NKX2-3: variants seen among roughly 807,000 people sequenced by gnomAD.
NKX2-3 encodes the protein NK2 homeobox 3.
A neutral mutation model predicts 14.2 loss-of-function variants in NKX2-3; 3 were observed. The ratio of observed to expected loss-of-function variants is 0.21; its 90% CI spans 0.10 to 0.55. NKX2-3 has a LOEUF of 0.55. Among genes scored for constraint, NKX2-3 ranks in the 20% least tolerant of loss-of-function variants. The pLI is 0.94. For synonymous variants in NKX2-3, 276 were observed against 234.2 expected, an observed-to-expected ratio of 1.18 and a Z score of -1.63; for missense variants, 511 against 514.5, an observed-to-expected ratio of 0.99 and a Z score of 0.06.
chr10:99,532,978 C>A lies in NKX2-3; in HGVS notation c.-154C>A. On this transcript the variant is annotated 5_prime_UTR_variant, in exon 1 of 2. Coordinates refer to ENST00000344586, the MANE Select transcript of NKX2-3 (RefSeq NM_145285.3). ...CAAAACCCAGACCCCCAGGTCCCGG[C>A]CAATGGAGGCGATTTAGACTGGAGT... 1 of 618,126 alleles carries A rather than the reference C, an allele frequency of 1.6e-6. No homozygotes were observed. Among genetic ancestry groups the A allele is most frequent in the Non-Finnish European group, 2.9e-6 (1 of 345,278 alleles). 38.3% of individuals were successfully genotyped at this position (618,126 alleles called of 1,614,324 possible).
chr10:99,534,780 G>C (rs953661226), intron 1 of NKX2-3, among the ~76,000 whole-genome samples: 6 of 152,168 alleles, frequency 3.9e-5, no homozygotes, highest in Non-Finnish European at 8.8e-5. Flanking sequence ...TCCACGAAAC[G>C]CGCCTCCGCC....
In NKX2-3 at chr10:99,535,665, A is replaced by C. The variant is rs746598095; in HGVS notation, c.1039A>C (p.Thr347Pro). The change falls in exon 2 of 2, where the codon ACT becomes CCT. Residue 347 changes from threonine to proline, a missense_variant. Around this residue, in one of 3 missense-constraint regions of NKX2-3, gnomAD observed 264 missense variants for 254.7 expected, o/e 1.04. Transcript: ENST00000344586. ...GGSAQPLHQG[T>P]AAGAACAQGT... ...CAGCGCACAGCCGTTGCACCAGGGTACTGCAGCCGGGGCCGCGTGCGCTCA... is the reference window on the plus strand; with the variant it reads ...CAGCGCACAGCCGTTGCACCAGGGTCCTGCAGCCGGGGCCGCGTGCGCTCA... 4 of 1,537,372 alleles carry C rather than the reference A, an allele frequency of 2.6e-6. No homozygotes were observed. The South Asian group carries it at 4.8e-5, about 18-fold the overall frequency.
chr10:99,533,366 G>T lies in NKX2-3; in HGVS notation c.235G>T (p.Ala79Ser), dbSNP rs750935219. The T allele has an allele frequency of 6.2e-6, 10 of 1,610,976 alleles. No individual in the cohort carries two copies. Among genetic ancestry groups the T allele is most frequent in the Non-Finnish European group, 8.5e-6 (10 of 1,179,034 alleles). The change falls in exon 1 of 2, where the codon GCA (alanine) becomes TCA (serine). Residue 79 changes from alanine (A) to serine (S), a missense_variant. This residue lies in a region of NKX2-3 where 243 missense variants were observed against 242.3 expected (regional missense o/e 1.00). Transcript: ENST00000344586. ...GTCCTATTTGAACTCACTAGCCGCA[G>T]CAGACGGCCACGGGGATTCAGGGCT... The part of the protein sequence containing the change: ...KLSYLNSLAA[A>S]DGHGDSGLCP...
intron 1 of NKX2-3, among the ~76,000 whole-genome samples, chr10:99,534,509 G>A (rs1289638191): frequency 6.6e-6 from 1 of 152,044 alleles, no homozygotes; most frequent in East Asian, 1.9e-4. Context: ...AAGTCCCTGA[G>A]CCATGCACAA....
rs776189540 is a variant in NKX2-3, at chr10:99,533,129, CTGA to C, written c.4_6del (p.Met2?). On this transcript the variant is annotated start_lost and 5_prime_UTR_variant, in exon 1 of 2. Transcript: ENST00000344586. ...ATTTGGACTGGACAATTAAGTGGCC[CTGA>C]TGATGTTACCAAGCCCGGTCACCTC... is the stretch of plus-strand genomic sequence containing the variant. 2 of 1,542,278 alleles carry C rather than the reference CTGA, an allele frequency of 1.3e-6. No individual in the cohort carries two copies. Among genetic ancestry groups the C allele is most frequent in the Admixed American group, 3.8e-5 (2 of 52,376 alleles).
In NKX2-3 at chr10:99,535,857, C is replaced by G. The variant is rs1044845227; in HGVS notation, c.*136C>G. 1.8e-5 allele frequency: 19 copies of G among 1,034,802 alleles called. No individual in the cohort carries two copies. The African/African-American group carries it at 1.9e-4, about 10-fold the overall frequency. 64.1% of individuals were successfully genotyped at this position (1,034,802 alleles called of 1,614,324 possible). The stretch of plus-strand genomic sequence containing the variant: ...CGTCTAGCTCCTCAGGGCTTCGGAT[C>G]GCAGCTCACTCGAGGCCTGGGGAAG... On this transcript the variant is annotated 3_prime_UTR_variant, in exon 2 of 2. Transcript: ENST00000344586.
chr10:99,535,523 C>T lies in NKX2-3; in HGVS notation c.897C>T (p.Gly299=), dbSNP rs1196750370. 3 of 1,189,530 alleles carry T rather than the reference C, an allele frequency of 2.5e-6. No individual in the cohort carries two copies. Among genetic ancestry groups the T allele is most frequent in the Admixed American group, 4.9e-5 (1 of 20,404 alleles). The allele number at this position is 1,189,530 out of a possible 1,614,324, so 73.7% of individuals were successfully genotyped here. The change falls in exon 2 of 2, where the codon GGC becomes GGT. Residue 299 remains glycine, a synonymous_variant. Transcript: ENST00000344586. ...SSYGCAYPAG[G]GGGGGGTSAA... is the part of the protein sequence containing the mutation. Reference sequence around the variant, plus strand: ...ATGGCTGTGCGTACCCGGCGGGCGGCGGCGGCGGCGGCGGCGGGACCTCCG... The same window carrying T: ...ATGGCTGTGCGTACCCGGCGGGCGGTGGCGGCGGCGGCGGCGGGACCTCCG...
chr10:99,535,675 G>A lies in NKX2-3; in HGVS notation c.1049G>A (p.Gly350Glu). 6.5e-7 allele frequency: 1 copy of A among 1,537,134 alleles called. No individual in the cohort carries two copies. The highest frequency in any genetic ancestry group is 8.7e-7 in the Non-Finnish European group (1 of 1,145,774). ...CCGTTGCACCAGGGTACTGCAGCCG[G>A]GGCCGCGTGCGCTCAGGGCACCTTG... is the stretch of plus-strand genomic sequence containing the variant. ...AQPLHQGTAA[G>E]AACAQGTLQG... The change falls in exon 2 of 2, where the codon GGG becomes GAG. Residue 350 changes from glycine (G) to glutamate (E), a missense_variant. This residue lies in a region of NKX2-3 where 264 missense variants were observed against 254.7 expected (regional missense o/e 1.04). Transcript: ENST00000344586.
At position 99,534,991 on chromosome 10, in the gene NKX2-3, G is replaced by A; in HGVS notation, c.365G>A (p.Cys122Tyr). 1 of 1,596,118 alleles carries A rather than the reference G, an allele frequency of 6.3e-7. No individual in the cohort carries two copies. The highest frequency in any genetic ancestry group is 8.5e-7 in the Non-Finnish European group (1 of 1,171,262). ...TTGTTTGCTTCTTCCGCAGAAAGCT[G>A]CCAGCTGAAGAAGTCTCTAGAGACG... Reference protein sequence around the residue: ...EVVRDRSQKSCQLKKSLETAG... With the variant: ...EVVRDRSQKSYQLKKSLETAG... Residue 122 changes from cysteine (C) to tyrosine (Y), a missense_variant, in exon 2 of 2, where the codon TGC becomes TAC. Physicochemically the swap from Cys to Tyr is radical, Grantham distance 194. Around this residue, in one of 3 missense-constraint regions of NKX2-3, gnomAD observed 243 missense variants for 242.3 expected, o/e 1.00. Transcript: ENST00000344586.
intron 1 of NKX2-3, 37 bp from the exon 2 acceptor site, chr10:99,534,948 G>A: frequency 6.4e-7 from 1 of 1,556,442 alleles, no homozygotes; most frequent in Non-Finnish European, 8.7e-7. Context: ...GTGCGGCCGG[G>A]AACAGCTAAG....
chr10:99,535,567 A>G lies in NKX2-3; in HGVS notation c.941A>G (p.Gln314Arg), dbSNP rs1336790092. 1 of 1,489,802 alleles carries G rather than the reference A, an allele frequency of 6.7e-7. No homozygotes were observed. The highest frequency in any genetic ancestry group is 2.9e-5 in the East Asian group (1 of 34,598). The allele number at this position is 1,489,802 out of a possible 1,614,324, so 92.3% of individuals were successfully genotyped here. Residue 314 changes from glutamine (Q) to arginine (R), a missense_variant, in exon 2 of 2, where the codon CAG (glutamine) becomes CGG (arginine). Gln to Arg is a conservative substitution (Grantham distance 43). Around this residue, in one of 3 missense-constraint regions of NKX2-3, gnomAD observed 264 missense variants for 254.7 expected, o/e 1.04. Transcript: ENST00000344586. ...ACCTCCGCGGCGACCACTGCCATGC[A>G]GCCCGCCTGCAGCGCGGCCGGAGGC... ...GGTSAATTAM[Q>R]PACSAAGGGP...
Position 99,535,938 on chromosome 10 carries a change from C to A in NKX2-3, c.*217C>A. On this transcript the variant is annotated 3_prime_UTR_variant, in exon 2 of 2. Coordinates refer to ENST00000344586, the MANE Select transcript of NKX2-3 (RefSeq NM_145285.3). ...CCGGTCGCCAGGACTGTCTCTGAGG[C>A]AGAAACGCCGGCTGGGCGCCGGGGA... The A allele has an allele frequency of 1.8e-6, 1 of 563,522 alleles. No individual in the cohort carries two copies. The highest frequency in any genetic ancestry group is 3.0e-6 in the Non-Finnish European group (1 of 334,648). 34.9% of individuals were successfully genotyped at this position (563,522 alleles called of 1,614,324 possible).
chr10:99,535,798 TA>T lies in NKX2-3; in HGVS notation c.*80del. On this transcript the variant is annotated 3_prime_UTR_variant, in exon 2 of 2. Transcript: ENST00000344586. The stretch of plus-strand genomic sequence containing the variant: ...ACTGAAGCTCGAGAAGGGCCTGACC[TA>T]AAGGTCAGGTCCCCTCGTTAAAAAA... 2.1e-6 allele frequency: 3 copies of T among 1,448,708 alleles called. No homozygotes were observed. The highest frequency in any genetic ancestry group is 2.7e-6 in the Non-Finnish European group (3 of 1,098,314). 89.7% of individuals were successfully genotyped at this position (1,448,708 alleles called of 1,614,324 possible). A position where few individuals can be genotyped will look rare whatever the true frequency, so the allele number is the denominator to read the frequency against.
In NKX2-3 at chr10:99,535,909, G is replaced by A; in HGVS notation, c.*188G>A. 2 of 672,304 alleles carry A rather than the reference G, an allele frequency of 3.0e-6. No individual in the cohort carries two copies. Among genetic ancestry groups the A allele is most frequent in the Non-Finnish European group, 4.7e-6 (2 of 423,736 alleles). The allele number at this position is 672,304 out of a possible 1,614,324, so 41.6% of individuals were successfully genotyped here. On this transcript the variant is annotated 3_prime_UTR_variant, in exon 2 of 2. Transcript: ENST00000344586. ...GGACTCAGGGGCGAGGAGGATGACTGGGTCCGGTCGCCAGGACTGTCTCTG... is the reference window on the plus strand; with the variant it reads ...GGACTCAGGGGCGAGGAGGATGACTAGGTCCGGTCGCCAGGACTGTCTCTG...
In NKX2-3 at chr10:99,535,159, G is replaced by T; in HGVS notation, c.533G>T (p.Arg178Leu). 6.2e-7 allele frequency: 1 copy of T among 1,613,338 alleles called. No individual in the cohort carries two copies. The highest frequency in any genetic ancestry group is 8.5e-7 in the Non-Finnish European group (1 of 1,179,830). ...KQQRYLSAPE[R>L]EHLASSLKLT... Reference sequence around the variant, plus strand: ...CAGCGGTACCTGTCGGCACCCGAGCGCGAGCACCTCGCCAGCAGCCTGAAG... The same window carrying T: ...CAGCGGTACCTGTCGGCACCCGAGCTCGAGCACCTCGCCAGCAGCCTGAAG... The change falls in exon 2 of 2, where the codon CGC (arginine) becomes CTC (leucine). Residue 178 changes from arginine to leucine, a missense_variant. Arg to Leu is a moderately radical substitution (Grantham distance 102). This residue lies in a region of NKX2-3 where 243 missense variants were observed against 242.3 expected (regional missense o/e 1.00). Transcript: ENST00000344586.
At position 99,535,517 on chromosome 10, in the gene NKX2-3, GGGCGGCGGC is replaced by G. The variant is rs751487317; in HGVS notation, c.906_914del (p.Gly303_Gly305del). The G allele has an allele frequency of 6.7e-4, 846 of 1,269,042 alleles. 8 individuals carry two copies. The African/African-American group carries it at 0.011, about 16-fold the overall frequency. The allele number at this position is 1,269,042 out of a possible 1,614,324, so 78.6% of individuals were successfully genotyped here. ...GCAGCTATGGCTGTGCGTACCCGGC[GGGCGGCGGC>G]GGCGGCGGCGGCGGGACCTCCGCGG... On this transcript the variant is annotated inframe_deletion, in exon 2 of 2. Transcript: ENST00000344586.
intron 1 of NKX2-3, among the ~76,000 whole-genome samples, chr10:99,534,018 C>G (rs960006064): frequency 1.3e-5 from 2 of 152,218 alleles, no homozygotes; most frequent in African/African-American, 4.8e-5. Context: ...CCTCCCTTCT[C>G]TGCTTGGAGC....
At position 99,535,451 on chromosome 10, in the gene NKX2-3, C is replaced by G. The variant is rs1589973535; in HGVS notation, c.825C>G (p.Ala275=). 1 of 1,243,502 alleles carries G rather than the reference C, an allele frequency of 8.0e-7. No individual in the cohort carries two copies. Among genetic ancestry groups the G allele is most frequent in the South Asian group, 2.0e-5 (1 of 50,766 alleles). 77.0% of individuals were successfully genotyped at this position (1,243,502 alleles called of 1,614,324 possible). ...YGYGNSAAAA[A]AAAAAAAAAA... Reference sequence around the variant, plus strand: ...ATGGGAACTCGGCCGCGGCCGCCGCCGCCGCCGCCGCCGCCGCCGCAGCAG... The same window carrying G: ...ATGGGAACTCGGCCGCGGCCGCCGCGGCCGCCGCCGCCGCCGCCGCAGCAG... Residue 275 remains alanine (A), a synonymous_variant, in exon 2 of 2, where the codon GCC becomes GCG. Coordinates refer to ENST00000344586, the MANE Select transcript of NKX2-3 (RefSeq NM_145285.3).
Position 99,533,286 on chromosome 10 carries a change from G to C in NKX2-3, c.155G>C (p.Gly52Ala), listed in dbSNP as rs754498950. 2 of 1,613,848 alleles carry C rather than the reference G, an allele frequency of 1.2e-6. No homozygotes were observed. Among genetic ancestry groups the C allele is most frequent in the African/African-American group, 2.7e-5 (2 of 74,912 alleles). Reference protein sequence around the residue: ...SAPCMLAAAEGTQFSDGGEED... With the variant: ...SAPCMLAAAEATQFSDGGEED... ...CCCTGCATGCTGGCCGCCGCTGAGG[G>C]GACGCAATTTTCTGACGGAGGGGAG... Residue 52 changes from glycine to alanine, a missense_variant, in exon 1 of 2, where the codon GGG (glycine) becomes GCG (alanine). By Grantham distance (60) the Gly-to-Ala change is moderately conservative (BLOSUM62 0). This residue lies in a region of NKX2-3 where 243 missense variants were observed against 242.3 expected (regional missense o/e 1.00). Transcript: ENST00000344586.
Sources: allele counts gnomAD v4.1 joint callset (sites outside exome capture counted in the v4.1 genomes callset), GRCh38; gene constraint gnomAD v4.1.1; regional missense constraint gnomAD v4.1.1; transcripts MANE v1.5; gene names NCBI Gene and HGNC (gene_info 2026-07-23, HGNC 2026-07-21).